The following USH2A variants were observed in gnomAD, a reference collection of about 807,000 sequenced individuals.
USH2A encodes usherin, also known as Usher syndrome 2A (autosomal recessive, mild).
Under a neutral mutation model 538.9 loss-of-function variants are expected in USH2A, and 443 were observed. That is an observed-to-expected ratio of 0.82 (90% CI 0.76 to 0.89). The LOEUF (loss-of-function observed/expected upper bound fraction) is 0.89, where lower values mean the gene tolerates loss of function less well. Ranked by LOEUF, USH2A falls within the 40% of genes least tolerant of loss-of-function variation. The pLI, the probability that USH2A is intolerant of heterozygous loss-of-function variation, is 0.00. For synonymous variants in USH2A, 2,413 were observed against 2,273.5 expected, an observed-to-expected ratio of 1.06 and a Z score of -1.75; for missense variants, 6,633 against 6,324.8, an observed-to-expected ratio of 1.05 and a Z score of -1.65.
At chr1:215,824,816 G>A (rs969087320) in intron 47 of USH2A, among the ~76,000 whole-genome samples, 2 of 152,100 alleles carry the variant, frequency 1.3e-5, no homozygotes, top group African/African-American at 4.8e-5. Flanking sequence ...CAAGGGTCAG[G>A]AAAATATTTT....
Position 215,671,289 on chromosome 1 carries a change from CA to C in USH2A, c.13815del (p.Tyr4605Ter). 6.2e-7 allele frequency: 1 copy of C among 1,613,938 alleles called. No homozygotes were observed. Among genetic ancestry groups the C allele is most frequent in the Non-Finnish European group, 8.5e-7 (1 of 1,179,982 alleles). On this transcript the variant is annotated frameshift_variant, in exon 64 of 72. Coordinates refer to ENST00000307340, the MANE Select transcript of USH2A (RefSeq NM_206933.4). LOFTEE classifies it high-confidence loss of function. ...GTGGTGCACGCTTGAATTCGTATTT[CA>C]TACCTTCAGGACATAAGGCAGAAAT... The part of the protein sequence containing the change: ...IVNQLKPFHR[Y>X]EIRIQACTTL...
intron 21 of USH2A, among the ~76,000 whole-genome samples, chr1:216,104,552 C>T (rs375461711): frequency 4.2e-4 from 64 of 151,960 alleles, no homozygotes; most frequent in African/African-American, 1.4e-3. Flanking sequence ...ACAAACCTGA[C>T]GAAAATAAGA....
chr1:215,920,296 C>A (rs1666064912), intron 38 of USH2A, among the ~76,000 whole-genome samples: 1 of 152,000 alleles, frequency 6.6e-6, no homozygotes, highest in Non-Finnish European at 1.5e-5. Flanking sequence ...CAAAGAGCAT[C>A]TTTGATCCTC....
intron 61 of USH2A, among the ~76,000 whole-genome samples, chr1:215,711,157 ATT>A (rs1336540934): frequency 3.3e-5 from 5 of 152,224 alleles, no homozygotes; most frequent in Admixed American, 6.5e-5. Flanking sequence ...AAAATATTGA[ATT>A]CATATATTTC....
At chr1:215,646,028 A>T (rs1656842074) in intron 67 of USH2A, among the ~76,000 whole-genome samples, 1 of 152,234 alleles carries the variant, frequency 6.6e-6, no homozygotes, top group Non-Finnish European at 1.5e-5. Context: ...ATGCAAATAC[A>T]ATAACGTCAA....
intron 58 of USH2A, among the ~76,000 whole-genome samples, chr1:215,755,477 TC>T (rs1262620529): frequency 1.3e-5 from 2 of 152,156 alleles, no homozygotes; most frequent in East Asian, 3.9e-4. Flanking sequence ...ATTATCCAAA[TC>T]AAAACACAGC....
Position 216,207,355 on chromosome 1 carries a change from A to C in USH2A, c.3234T>G (p.Asp1078Glu), listed in dbSNP as rs2035137506. The C allele has an allele frequency of 6.2e-7, 1 of 1,613,938 alleles. No individual in the cohort carries two copies. ...AAGTAAGCCAGTGGGCATTTGGAGAATCAGGTGGACTCCAGGAGAGATTGA... is the reference window on the plus strand; with the variant it reads ...AAGTAAGCCAGTGGGCATTTGGAGACTCAGGTGGACTCCAGGAGAGATTGA... ...SAINLSWSPP[D>E]SPNAHWLTYS... is the part of the protein sequence containing the mutation. The change falls in exon 16 of 72, where the codon GAT (aspartate) becomes GAG (glutamate). Residue 1078 changes from aspartate to glutamate, a missense_variant. Transcript: ENST00000307340.
chr1:216,385,264 G>A (rs1313906387), intron 3 of USH2A, among the ~76,000 whole-genome samples: 1 of 152,178 alleles, frequency 6.6e-6, no homozygotes, highest in Non-Finnish European at 1.5e-5. Flanking sequence ...CCCTTTGCTT[G>A]GAAGGGCCAG....
At chr1:216,004,299 A>G (rs942589863) in intron 32 of USH2A, among the ~76,000 whole-genome samples, 2 of 152,168 alleles carry the variant, frequency 1.3e-5, no homozygotes, top group African/African-American at 4.8e-5. Context: ...AATAGATATA[A>G]AAGAGAAAAC....
chr1:215,670,441 T>G (rs574065938), intron 64 of USH2A, among the ~76,000 whole-genome samples: 1 of 152,368 alleles, frequency 6.6e-6, no homozygotes, highest in African/African-American at 2.4e-5. Flanking sequence ...CTGAATATTA[T>G]TCTTAATTCT....
chr1:216,042,607 A>T (rs1183513189), intron 32 of USH2A, among the ~76,000 whole-genome samples: 6 of 152,040 alleles, frequency 3.9e-5, no homozygotes, highest in African/African-American at 1.2e-4. Flanking sequence ...AGATAGATAC[A>T]TGTTATGGTG....
intron 4 of USH2A, among the ~76,000 whole-genome samples, chr1:216,345,754 G>A (rs564914450): frequency 2.8e-4 from 43 of 152,186 alleles, no homozygotes; most frequent in Middle Eastern, 3.4e-3. Context: ...TGTTCAAGAC[G>A]GCCCAGCAAA....
chr1:215,852,225 G>T (rs1272346164), intron 44 of USH2A, among the ~76,000 whole-genome samples: 1 of 152,150 alleles, frequency 6.6e-6, no homozygotes, highest in Non-Finnish European at 1.5e-5. Flanking sequence ...AATCATGGCA[G>T]AAGGTGAAAG....
At chr1:215,728,582 G>GACACACACACACAC (rs1311988583) in intron 60 of USH2A, among the ~76,000 whole-genome samples, 198 bp from the exon 61 acceptor site, 18,120 of 148,416 alleles carry the variant, frequency 0.12, 1,325 homozygotes, top group East Asian at 0.3. Context: ...AAGTGTAGTT[G>GACACACACACACAC]ACACACACAC....
chr1:216,309,110 C>T, intron 9 of USH2A, among the ~76,000 whole-genome samples: 1 of 152,304 alleles, frequency 6.6e-6, no homozygotes, highest in East Asian at 1.9e-4. Context: ...GTAAAACCTT[C>T]TATGAGACAG....
intron 32 of USH2A, among the ~76,000 whole-genome samples, chr1:216,009,762 T>A (rs1252869230): frequency 6.6e-6 from 1 of 151,928 alleles, no homozygotes; most frequent in East Asian, 1.9e-4. Context: ...TTTTATCACC[T>A]CCCCTCCTTA....
chr1:216,289,437 T>C, intron 10 of USH2A, 27 bp from the exon 11 acceptor site: 1 of 1,613,568 alleles, frequency 6.2e-7, no homozygotes, highest in African/African-American at 1.3e-5. Context: ...TTATGCATTA[T>C]GACTTCTAAT....
intron 3 of USH2A, among the ~76,000 whole-genome samples, chr1:216,371,229 G>A (rs893491082): frequency 2.0e-5 from 3 of 152,136 alleles, no homozygotes; most frequent in African/African-American, 4.8e-5. Context: ...CCATGTGAGA[G>A]CTTACATAAA....
intron 24 of USH2A, among the ~76,000 whole-genome samples, chr1:216,086,106 AATTCC>A (rs748644289): frequency 3.9e-5 from 6 of 152,060 alleles, no homozygotes; most frequent in Non-Finnish European, 1.5e-5. Context: ...ATCTAAGGTT[AATTCC>A]ATTCATGTTC....
Sources: allele counts gnomAD v4.1 joint callset (sites outside exome capture counted in the v4.1 genomes callset), GRCh38; gene constraint gnomAD v4.1.1; transcripts MANE v1.5; gene names NCBI Gene and HGNC (gene_info 2026-07-23, HGNC 2026-07-21).